Variants in COX7B2 observed in about 807,000 individuals in gnomAD.
The protein encoded by COX7B2 is cytochrome c oxidase subunit 7B2.
For missense variants in COX7B2, 109 were observed against 95.9 expected, an observed-to-expected ratio of 1.14 and a Z score of -0.57; for synonymous variants, 37 against 32.1, an observed-to-expected ratio of 1.15 and a Z score of -0.51.
chr4:46,870,692 C>T (rs867579842), intron 1 of COX7B2, among the ~76,000 whole-genome samples: 6 of 151,926 alleles, frequency 3.9e-5, no homozygotes, highest in African/African-American at 1.5e-4. Context: ...AGTACACCAC[C>T]AACAACCAAG....
At chr4:46,755,364 C>T (rs1207982069) in intron 2 of COX7B2, among the ~76,000 whole-genome samples, 1 of 151,856 alleles carries the variant, frequency 6.6e-6, no homozygotes. Context: ...GAAATCATTC[C>T]CTCTGATGAT....
intron 2 of COX7B2, among the ~76,000 whole-genome samples, chr4:46,791,273 T>C (rs1718032852): frequency 1.3e-5 from 2 of 152,054 alleles, no homozygotes; most frequent in African/African-American, 4.8e-5. Context: ...CCTCCCAAAG[T>C]GCTGGGATTA....
chr4:46,809,001 T>C (rs1180775425), intron 2 of COX7B2, among the ~76,000 whole-genome samples: 1 of 151,906 alleles, frequency 6.6e-6, no homozygotes, highest in Non-Finnish European at 1.5e-5. Context: ...CTTCTTGTCA[T>C]GTCTTTGTCT....
At chr4:46,869,071 A>C (rs1473981525) in intron 1 of COX7B2, among the ~76,000 whole-genome samples, 1 of 152,220 alleles carries the variant, frequency 6.6e-6, no homozygotes, top group East Asian at 1.9e-4. Context: ...GGGTGCATAC[A>C]TATTTAGGAT....
At chr4:46,815,046 CG>C (rs1241891067) in intron 2 of COX7B2, among the ~76,000 whole-genome samples, 1 of 151,822 alleles carries the variant, frequency 6.6e-6, no homozygotes, top group Non-Finnish European at 1.5e-5. Flanking sequence ...ATTAGCCAGG[CG>C]TGGTGGTGCA....
chr4:46,846,551 G>A (rs1716291268), intron 1 of COX7B2, among the ~76,000 whole-genome samples: 1 of 151,990 alleles, frequency 6.6e-6, no homozygotes, highest in Non-Finnish European at 1.5e-5. Flanking sequence ...TCTTCTGGGG[G>A]AAGAGTGTTC....
chr4:46,872,535 G>A (rs1718057728), intron 1 of COX7B2, among the ~76,000 whole-genome samples: 1 of 152,122 alleles, frequency 6.6e-6, no homozygotes. Context: ...GCAAAGCCAA[G>A]AACTATCCCA....
chr4:46,908,738 C>CAA (rs34388680), intron 1 of COX7B2, among the ~76,000 whole-genome samples: 2,643 of 121,030 alleles, frequency 0.022, 81 homozygotes, highest in African/African-American at 0.059. Flanking sequence ...AGGAAAGTGG[C>CAA]AAAAAAAAAA....
At chr4:46,775,543 G>T (rs1178307589) in intron 2 of COX7B2, among the ~76,000 whole-genome samples, 2 of 151,910 alleles carry the variant, frequency 1.3e-5, no homozygotes, top group African/African-American at 4.8e-5. Context: ...TTGTCTAATT[G>T]GGTCATACCG....
chr4:46,853,876 C>A (rs904375054), intron 1 of COX7B2, among the ~76,000 whole-genome samples: 1 of 152,052 alleles, frequency 6.6e-6, no homozygotes, highest in Non-Finnish European at 1.5e-5. Context: ...AATTGTGGAA[C>A]TTAAGTTTAC....
rs560115388 is a variant in COX7B2, at chr4:46,898,231, C to T, written c.-105+10929G>A. On this transcript the variant is annotated intron_variant, in intron 1 of 2. Transcript: ENST00000355591. ...CAAATTTACATTATTTTCTCCAAAT[C>T]CTCAAGCTATCTCGGAATTAATTCT... Among the ~76,000 whole-genome samples the T allele has an allele frequency of 2.6e-5, 4 of 152,292 alleles. No homozygotes were observed. In the South Asian group the frequency reaches 8.3e-4, roughly 32 times the overall value.
intron 2 of COX7B2, among the ~76,000 whole-genome samples, chr4:46,765,255 CA>C (rs920335121): frequency 1.6e-4 from 24 of 152,148 alleles, no homozygotes; most frequent in Non-Finnish European, 2.9e-5. Context: ...GTAGGAAAAA[CA>C]GTTTCACAAA....
intron 1 of COX7B2, among the ~76,000 whole-genome samples, chr4:46,908,738 C>A (rs375075679): frequency 1.2e-3 from 150 of 120,970 alleles, no homozygotes; most frequent in Admixed American, 1.5e-3. Context: ...AGGAAAGTGG[C>A]AAAAAAAAAA....
intron 2 of COX7B2, among the ~76,000 whole-genome samples, chr4:46,822,777 GA>G (rs1409195417): frequency 6.6e-6 from 1 of 152,058 alleles, no homozygotes; most frequent in African/African-American, 2.4e-5. Flanking sequence ...AAGGGTTCAT[GA>G]ATGTAGACAT....
chr4:46,798,266 C>T (rs1053795380), intron 2 of COX7B2, among the ~76,000 whole-genome samples: 8 of 152,178 alleles, frequency 5.3e-5, no homozygotes, highest in Admixed American at 5.2e-4. Context: ...TCTCCTAGAA[C>T]CAATGAAGAA....
intron 2 of COX7B2, among the ~76,000 whole-genome samples, chr4:46,810,048 T>C (rs1229020117): frequency 6.6e-6 from 1 of 152,026 alleles, no homozygotes; most frequent in East Asian, 1.9e-4. Flanking sequence ...CAGATAAGTA[T>C]AGCCACTGCT....
intron 2 of COX7B2, among the ~76,000 whole-genome samples, chr4:46,736,032 A>G (rs773905272): frequency 3.9e-5 from 6 of 152,188 alleles, no homozygotes; most frequent in African/African-American, 7.2e-5. Flanking sequence ...ATGATTACCC[A>G]AAGTCCATAG....
chr4:46,905,094 A>G (rs943874989), intron 1 of COX7B2, among the ~76,000 whole-genome samples: 2 of 152,130 alleles, frequency 1.3e-5, no homozygotes, highest in Admixed American at 6.5e-5. Context: ...CAAGATATAA[A>G]TGAGTTAATA....
intron 2 of COX7B2, among the ~76,000 whole-genome samples, chr4:46,800,462 C>A (rs550204959): frequency 6.6e-6 from 1 of 152,042 alleles, no homozygotes; most frequent in Non-Finnish European, 1.5e-5. Flanking sequence ...AAAGAACACA[C>A]CATCTGATCA....
Sources: allele counts gnomAD v4.1 joint callset (sites outside exome capture counted in the v4.1 genomes callset), GRCh38; gene constraint gnomAD v4.1.1; transcripts MANE v1.5; gene names NCBI Gene and HGNC (gene_info 2026-07-23, HGNC 2026-07-21).